MARCHF4: variants seen among roughly 807,000 people sequenced by gnomAD.
MARCHF4 encodes E3 ubiquitin-protein ligase MARCHF4.
In MARCHF4, 14 loss-of-function variants were observed where a neutral mutation model predicts 43.9. The observed-to-expected ratio is 0.32, with a 90% CI of 0.21 to 0.50. The LOEUF (loss-of-function observed/expected upper bound fraction) is 0.50. Ranked by LOEUF, MARCHF4 falls within the 20% of genes least tolerant of loss-of-function variation. MARCHF4 has a pLI of 0.98. For missense variants in MARCHF4, 468 were observed against 536.7 expected (o/e 0.87, Z 1.27); for synonymous variants, 226 against 213.3 (o/e 1.06, Z -0.52).
At chr2:216,286,538 G>A (rs1691222266) in intron 1 of MARCHF4, among the ~76,000 whole-genome samples, 1 of 150,624 alleles carries the variant, frequency 6.6e-6, no homozygotes, top group Admixed American at 6.6e-5. Flanking sequence ...AAAAAAAGAA[G>A]AAGAAGAAAA....
chr2:216,321,671 C>A (rs576482391), intron 1 of MARCHF4: 23 of 152,318 alleles, frequency 1.5e-4, no homozygotes, highest in African/African-American at 4.8e-4. Flanking sequence ...CCTGGGAACA[C>A]TTTCATTGAA....
intron 1 of MARCHF4, among the ~76,000 whole-genome samples, chr2:216,316,447 G>A (rs1292656446): frequency 6.6e-6 from 1 of 152,136 alleles, no homozygotes; most frequent in East Asian, 1.9e-4. Flanking sequence ...GCAGCTCTCT[G>A]ATTCAAGGAA....
intron 1 of MARCHF4, among the ~76,000 whole-genome samples, chr2:216,358,953 G>A (rs756392465): frequency 2.2e-4 from 33 of 152,198 alleles, no homozygotes; most frequent in Non-Finnish European, 4.0e-4. Flanking sequence ...ACCAAATGGG[G>A]AGAAATGGGA....
intron 1 of MARCHF4, among the ~76,000 whole-genome samples, chr2:216,360,688 C>G (rs1405743431): frequency 6.6e-6 from 1 of 152,140 alleles, no homozygotes; most frequent in Non-Finnish European, 1.5e-5. Context: ...AGATACATGT[C>G]ACTATATATT....
chr2:216,261,913 C>T (rs1690748479), intron 3 of MARCHF4, among the ~76,000 whole-genome samples: 1 of 152,046 alleles, frequency 6.6e-6, no homozygotes, highest in Non-Finnish European at 1.5e-5. Context: ...GTGTGGAGAC[C>T]CAAAAGCCTA....
rs555838540 is a variant in MARCHF4 at position 216,292,946 on chromosome 2, G to A, written c.517-9217C>T. Among the ~76,000 whole-genome samples, 33 of 152,282 alleles carry A rather than the reference G, an allele frequency of 2.2e-4. 4 individuals carry two copies. The South Asian group carries it at 6.6e-3, about 31-fold the overall frequency. Reference sequence around the variant, plus strand: ...GACCTTCTTTCCAACAAAGATTGTGGAGGAGAGATGAATGGAGAAGGGTTT... The same window carrying A: ...GACCTTCTTTCCAACAAAGATTGTGAAGGAGAGATGAATGGAGAAGGGTTT... On this transcript the variant is annotated intron_variant, in intron 1 of 3. Transcript: ENST00000273067.
chr2:216,351,730 A>T (rs1235899296), intron 1 of MARCHF4, among the ~76,000 whole-genome samples: 1 of 152,160 alleles, frequency 6.6e-6, no homozygotes, highest in Non-Finnish European at 1.5e-5. Flanking sequence ...TAACACAAAC[A>T]CCTCACTTAA....
At chr2:216,281,443 T>C (rs955330930) in intron 2 of MARCHF4, among the ~76,000 whole-genome samples, 1 of 152,316 alleles carries the variant, frequency 6.6e-6, no homozygotes, top group Non-Finnish European at 1.5e-5. Flanking sequence ...CCCTCTCTGA[T>C]AGCAGAGGCA....
chr2:216,335,529 G>A (rs1692143464), intron 1 of MARCHF4, among the ~76,000 whole-genome samples: 1 of 152,200 alleles, frequency 6.6e-6, no homozygotes. Flanking sequence ...ACACTAAAGA[G>A]ATCAGAGGAA....
intron 1 of MARCHF4, among the ~76,000 whole-genome samples, chr2:216,332,853 C>T (rs1692100616): frequency 6.6e-6 from 1 of 152,106 alleles, no homozygotes; most frequent in East Asian, 1.9e-4. Context: ...GACATAGATC[C>T]ACATACACGG....
chr2:216,370,047 C>A lies in MARCHF4; in HGVS notation c.214G>T (p.Gly72Cys). The change falls in exon 1 of 4, where the codon GGT becomes TGT. Residue 72 changes from glycine to cysteine, a missense_variant. By Grantham distance (159) the Gly-to-Cys change is radical (BLOSUM62 -3). This residue lies in a region of MARCHF4 where 190 missense variants were observed against 158.5 expected (regional missense o/e 1.20). Coordinates refer to ENST00000273067, the MANE Select transcript of MARCHF4 (RefSeq NM_020814.3). ...LPMHGDPQPP[G>C]LAANNTLPAL... Reference sequence around the variant, plus strand: ...GGAAGGGTGTTGTTGGCCGCCAAACCGGGGGGCTGGGGGTCGCCGTGCATG... The same window carrying A: ...GGAAGGGTGTTGTTGGCCGCCAAACAGGGGGGCTGGGGGTCGCCGTGCATG... 1 of 1,554,222 alleles carries A rather than the reference C, an allele frequency of 6.4e-7. No individual in the cohort carries two copies. Among genetic ancestry groups the A allele is most frequent in the Non-Finnish European group, 8.7e-7 (1 of 1,147,774 alleles).
In MARCHF4 at chr2:216,370,229, C is replaced by T. The variant is rs781155535; in HGVS notation, c.32G>A (p.Trp11Ter). 8.7e-6 allele frequency: 14 copies of T among 1,609,226 alleles called. No homozygotes were observed. The highest frequency in any genetic ancestry group is 1.1e-5 in the Non-Finnish European group (13 of 1,176,628). The change falls in exon 1 of 4, where the codon TGG becomes TAG. Residue 11 changes from tryptophan (W) to a stop codon, truncating the protein, a stop_gained. Transcript: ENST00000273067. LOFTEE classifies it high-confidence loss of function. MLMPLCGLLW[W>*]WWCCCSGWYC... The stretch of plus-strand genomic sequence containing the variant: ...CCAGCCGGAGCAGCAGCACCACCAC[C>T]ACCAGAGCAGCCCACACAGGGGCAT...
At chr2:216,259,775 G>T in intron 3 of MARCHF4, 96 bp from the exon 4 acceptor site, 1 of 1,264,590 alleles carries the variant, frequency 7.9e-7, no homozygotes, top group Non-Finnish European at 1.1e-6. Context: ...CAAGGTATGG[G>T]CAATGGCTCC....
chr2:216,313,077 C>A (rs1342798374), intron 1 of MARCHF4, among the ~76,000 whole-genome samples: 1 of 152,080 alleles, frequency 6.6e-6, no homozygotes, highest in East Asian at 1.9e-4. Context: ...GAGAGGGGTC[C>A]AGTTTCATTC....
At chr2:216,274,018 C>T (rs993059055) in intron 3 of MARCHF4, among the ~76,000 whole-genome samples, 2 of 152,228 alleles carry the variant, frequency 1.3e-5, no homozygotes, top group Non-Finnish European at 2.9e-5. Flanking sequence ...TACAGCATCA[C>T]TTGAGTTGGG....
intron 2 of MARCHF4, among the ~76,000 whole-genome samples, chr2:216,280,057 A>T (rs1420186648): frequency 6.6e-6 from 1 of 152,066 alleles, no homozygotes; most frequent in Non-Finnish European, 1.5e-5. Flanking sequence ...TGGAACCTAA[A>T]TGGGGCTCCT....
intron 1 of MARCHF4, among the ~76,000 whole-genome samples, chr2:216,353,651 G>A (rs1692436725): frequency 6.6e-6 from 1 of 152,146 alleles, no homozygotes; most frequent in African/African-American, 2.4e-5. Flanking sequence ...AGGTTCAAAT[G>A]ATTCTCTTGC....
intron 1 of MARCHF4, among the ~76,000 whole-genome samples, chr2:216,355,852 A>G (rs541559762): frequency 1.3e-5 from 2 of 152,302 alleles, no homozygotes; most frequent in East Asian, 3.9e-4. Flanking sequence ...GTTGCATTTC[A>G]TGCAGACCCA....
intron 1 of MARCHF4, among the ~76,000 whole-genome samples, chr2:216,365,378 G>A (rs1553519816): frequency 6.6e-6 from 1 of 152,192 alleles, no homozygotes; most frequent in Non-Finnish European, 1.5e-5. Flanking sequence ...AGAACAGGTG[G>A]CCTCCCACCC....
Sources: gnomAD v4.1 joint callset for allele counts (sites outside exome capture counted in the v4.1 genomes callset) on GRCh38, gnomAD v4.1.1 for gene constraint, gnomAD v4.1.1 regional missense constraint, MANE v1.5 for transcripts, NCBI Gene and HGNC (gene_info 2026-07-23, HGNC 2026-07-21) for gene names.